The following FXR1 variants were observed in gnomAD, a reference collection of about 807,000 sequenced individuals.
FXR1 encodes the protein FMR1 autosomal homolog 1, also known as RNA-binding protein FXR1.
In FXR1, 15 loss-of-function variants were observed where a neutral mutation model predicts 84.0. That is an observed-to-expected ratio of 0.18 (90% CI 0.12 to 0.27). The LOEUF (loss-of-function observed/expected upper bound fraction) is 0.27. Among genes scored for constraint, FXR1 ranks in the 10% least tolerant of loss-of-function variants. The pLI, the probability that FXR1 is intolerant of heterozygous loss-of-function variation, is 1.00. For missense variants in FXR1, 480 were observed against 774.4 expected, an observed-to-expected ratio of 0.62 and a Z score of 4.51; for synonymous variants, 245 against 250.7, an observed-to-expected ratio of 0.98 and a Z score of 0.21.
At chr3:180,959,478 C>T (rs943410074) in intron 10 of FXR1, among the ~76,000 whole-genome samples, 2 of 151,802 alleles carry the variant, frequency 1.3e-5, no homozygotes, top group Admixed American at 6.6e-5. Context: ...TTGGCTGGCT[C>T]GGTTGCTAAT....
At chr3:180,965,577 C>T (rs77837544) in intron 13 of FXR1, among the ~76,000 whole-genome samples, 4,348 of 152,198 alleles carry the variant, frequency 0.029, 82 homozygotes, top group Non-Finnish European at 0.04. Context: ...GAAAGTCTAG[C>T]GGGGATTCCC....
In FXR1 at chr3:180,978,088, AG is replaced by A. The variant is rs1375741774; in HGVS notation, c.*1798del. The A allele has an allele frequency of 6.6e-6, 1 of 151,980 alleles. No homozygotes were observed. Among genetic ancestry groups the A allele is most frequent in the African/African-American group, 2.4e-5 (1 of 41,390 alleles). The allele number at this position is 151,980 out of a possible 1,614,324, so 9.4% of individuals were successfully genotyped here. ...TTTTAAATCGATCAAAGCTAGCAACAGGTTAAATTGTCTCAGTTCTCTTACA... is the reference window on the plus strand; with the variant it reads ...TTTTAAATCGATCAAAGCTAGCAACAGTTAAATTGTCTCAGTTCTCTTACA... On this transcript the variant is annotated 3_prime_UTR_variant, in exon 17 of 17. Transcript: ENST00000357559.
Position 180,977,127 on chromosome 3 carries a change from A to C in FXR1, c.*835A>C, listed in dbSNP as rs1714319240. ...TGATGTGCAATATGTTTTTGTATGCAGGTAGTAAATAAACTTTGATCTTCC... is the reference window on the plus strand; with the variant it reads ...TGATGTGCAATATGTTTTTGTATGCCGGTAGTAAATAAACTTTGATCTTCC... On this transcript the variant is annotated 3_prime_UTR_variant, in exon 17 of 17. Coordinates refer to ENST00000357559, the MANE Select transcript of FXR1 (RefSeq NM_005087.4). 1 of 146,614 alleles carries C rather than the reference A, an allele frequency of 6.8e-6. No homozygotes were observed. Among genetic ancestry groups the C allele is most frequent in the African/African-American group, 2.5e-5 (1 of 39,232 alleles). The allele number at this position is 146,614 out of a possible 1,614,324, so 9.1% of individuals were successfully genotyped here. A position where few individuals can be genotyped will look rare whatever the true frequency, so the allele number is the denominator to read the frequency against.
intron 13 of FXR1, among the ~76,000 whole-genome samples, chr3:180,964,138 G>A (rs1712495481): frequency 2.0e-5 from 3 of 152,004 alleles, no homozygotes; most frequent in Admixed American, 2.0e-4. Flanking sequence ...TCTTATATAT[G>A]TTTTTATTTA....
At chr3:180,935,323 A>G (rs1720398067) in intron 3 of FXR1, 92 bp downstream of exon 3, 2 of 644,246 alleles carry the variant, frequency 3.1e-6, no homozygotes, top group Admixed American at 2.7e-5. Context: ...TGGAGGATAA[A>G]TCTAATTCAT....
chr3:180,933,362 C>A lies in FXR1; in HGVS notation c.80C>A (p.Ser27Tyr). 1.3e-6 allele frequency: 2 copies of A among 1,576,424 alleles called. No individual in the cohort carries two copies. Among genetic ancestry groups the A allele is most frequent in the Non-Finnish European group, 1.7e-6 (2 of 1,146,252 alleles). ...KGFIKDVHED[S>Y]LTVVFENNWQ... ...TTTATCAAAGATGTTCATGAAGACTCCCTTACAGTTGTTTTTGAAAATAAG... is the reference window on the plus strand; with the variant it reads ...TTTATCAAAGATGTTCATGAAGACTACCTTACAGTTGTTTTTGAAAATAAG... The change falls in exon 2 of 17, where the codon TCC becomes TAC. Residue 27 changes from serine (S) to tyrosine (Y), a missense_variant. This residue lies in a region of FXR1 where 54 missense variants were observed against 74.2 expected (regional missense o/e 0.73). Coordinates refer to ENST00000357559, the MANE Select transcript of FXR1 (RefSeq NM_005087.4).
chr3:180,951,295 T>C lies in FXR1; in HGVS notation c.631-3T>C. ...TATATTACTAATTTTCCTTTTTTAT[T>C]AGTGCACAAAACAACTTGCAGCAGC... On this transcript the variant is annotated splice_polypyrimidine_tract_variant and splice_region_variant and intron_variant, in intron 7 of 16. Coordinates refer to ENST00000357559, the MANE Select transcript of FXR1 (RefSeq NM_005087.4). 1 of 1,565,992 alleles carries C rather than the reference T, an allele frequency of 6.4e-7. No individual in the cohort carries two copies. The highest frequency in any genetic ancestry group is 2.2e-5 in the East Asian group (1 of 44,628).
chr3:180,968,316 T>A, intron 14 of FXR1, 62 bp downstream of exon 14: 1 of 1,160,470 alleles, frequency 8.6e-7, no homozygotes, highest in Non-Finnish European at 1.3e-6. Flanking sequence ...TTACAAAAGT[T>A]AATTCATCTC....
At chr3:180,937,286 T>C (rs934664413) in intron 3 of FXR1, among the ~76,000 whole-genome samples, 8 of 152,128 alleles carry the variant, frequency 5.3e-5, no homozygotes, top group Non-Finnish European at 1.0e-4. Flanking sequence ...TCTTACACTT[T>C]TTTGTTGTTT....
intron 15 of FXR1, 31 bp downstream of exon 15, chr3:180,970,389 T>C (rs765720096): frequency 1.1e-5 from 2 of 188,242 alleles, no homozygotes; most frequent in East Asian, 1.5e-4. Flanking sequence ...GAGAAATATA[T>C]ATATATATAT....
At chr3:180,935,541 T>C (rs148377873) in intron 3 of FXR1, among the ~76,000 whole-genome samples, 1 of 152,380 alleles carries the variant, frequency 6.6e-6, no homozygotes, top group East Asian at 1.9e-4. Flanking sequence ...CCCTTTTCCT[T>C]CTTTTTGCTA....
intron 1 of FXR1, among the ~76,000 whole-genome samples, chr3:180,925,751 A>C (rs1393091043): frequency 2.0e-5 from 3 of 152,232 alleles, no homozygotes; most frequent in Non-Finnish European, 4.4e-5. Flanking sequence ...ATGAATCAAT[A>C]AATAAACTGA....
intron 3 of FXR1, among the ~76,000 whole-genome samples, chr3:180,938,839 T>C (rs1468572973): frequency 6.6e-6 from 1 of 151,990 alleles, no homozygotes; most frequent in East Asian, 1.9e-4. Context: ...TGAGCCACTG[T>C]GCCCAGCCCT....
chr3:180,945,534 A>C (rs1721607742), intron 3 of FXR1, among the ~76,000 whole-genome samples: 1 of 152,106 alleles, frequency 6.6e-6, no homozygotes, highest in Admixed American at 6.5e-5. Flanking sequence ...CCTTCCATGT[A>C]GGTGGCACCA....
Position 180,977,175 on chromosome 3 carries a change from T to A in FXR1, c.*883T>A, listed in dbSNP as rs1465914659. 6.6e-6 allele frequency: 1 copy of A among 152,450 alleles called. No individual in the cohort carries two copies. Among genetic ancestry groups the A allele is most frequent in the Non-Finnish European group, 1.5e-5 (1 of 67,974 alleles). The allele number at this position is 152,450 out of a possible 1,614,324, so 9.4% of individuals were successfully genotyped here. A position where few individuals can be genotyped will look rare whatever the true frequency, so the allele number is the denominator to read the frequency against. Reference sequence around the variant, plus strand: ...TCCATTTGCTGAATTTTTTTAACTTTCTACTTTTTACACCAATTGTTGCAA... The same window carrying A: ...TCCATTTGCTGAATTTTTTTAACTTACTACTTTTTACACCAATTGTTGCAA... On this transcript the variant is annotated 3_prime_UTR_variant, in exon 17 of 17. Coordinates refer to ENST00000357559, the MANE Select transcript of FXR1 (RefSeq NM_005087.4).
In FXR1 at chr3:180,948,736, T is replaced by C. The variant is rs771802137; in HGVS notation, c.435T>C (p.Asn145=). The part of the protein sequence containing the change: ...EDLREACANE[N]AHKDFKKAVG... The stretch of plus-strand genomic sequence containing the variant: ...TTCTCTCTAGGTGTGCTAATGAAAA[T>C]GCACATAAAGATTTTAAGAAAGCAG... Residue 145 remains asparagine, a synonymous_variant, in exon 6 of 17, where the codon AAT becomes AAC. Coordinates refer to ENST00000357559, the MANE Select transcript of FXR1 (RefSeq NM_005087.4). The C allele has an allele frequency of 1.9e-6, 3 of 1,558,648 alleles. No individual in the cohort carries two copies. The highest frequency in any genetic ancestry group is 1.7e-5 in the Admixed American group (1 of 59,768).
rs1391740148 is a variant in FXR1, at chr3:180,970,339, A to G, written c.1584A>G (p.Ser528=). The change falls in exon 15 of 17, where the codon TCA becomes TCG. Residue 528 remains serine (S), a synonymous_variant. Coordinates refer to ENST00000357559, the MANE Select transcript of FXR1 (RefSeq NM_005087.4). ...GAATGACTGAATCTGATACAGCTTC[A>G]GTTAATGAAAATGGGCTAGGTATGT... is the stretch of plus-strand genomic sequence containing the variant. ...MDGMTESDTA[S]VNENGLVTVA... 2.6e-6 allele frequency: 4 copies of G among 1,565,872 alleles called. No homozygotes were observed. The highest frequency in any genetic ancestry group is 3.4e-5 in the Admixed American group (2 of 59,052).
intron 1 of FXR1, among the ~76,000 whole-genome samples, chr3:180,925,277 C>A (rs1425284128): frequency 1.3e-5 from 2 of 151,576 alleles, no homozygotes; most frequent in South Asian, 2.1e-4. Flanking sequence ...AGAAGAATCG[C>A]TTGAACTGGG....
chr3:180,961,677 A>G (rs971103833), intron 11 of FXR1, 123 bp downstream of exon 11: 3 of 508,758 alleles, frequency 5.9e-6, no homozygotes, highest in Non-Finnish European at 1.1e-5. Flanking sequence ...GTAAACTTCA[A>G]ATCTTTAAAT....
Sources: allele counts gnomAD v4.1 joint callset (sites outside exome capture counted in the v4.1 genomes callset), GRCh38; gene constraint gnomAD v4.1.1; regional missense constraint gnomAD v4.1.1; transcripts MANE v1.5; gene names NCBI Gene and HGNC (gene_info 2026-07-23, HGNC 2026-07-21).